The following ABCA13 variants were observed in gnomAD, a reference collection of about 807,000 sequenced individuals.
ABCA13 encodes the protein ATP binding cassette subfamily A member 13, also known as ATP-binding cassette sub-family A member 13.
In ABCA13, 476 loss-of-function variants were observed where a neutral mutation model predicts 478.7. That is an observed-to-expected ratio of 0.99 (90% CI 0.92 to 1.07). ABCA13 has a LOEUF of 1.07. Among genes scored for constraint, ABCA13 ranks in the 50% least tolerant of loss-of-function variants. The pLI is 0.00. For missense variants in ABCA13, 6,060 were observed against 5,910.6 expected, an observed-to-expected ratio of 1.03 and a Z score of -0.83; for synonymous variants, 2,252 against 2,158.9, an observed-to-expected ratio of 1.04 and a Z score of -1.20.
intron 55 of ABCA13, among the ~76,000 whole-genome samples, chr7:48,533,013 T>C (rs1833341992): frequency 6.6e-6 from 1 of 152,118 alleles, no homozygotes; most frequent in Non-Finnish European, 1.5e-5. Flanking sequence ...CATTCTGCTC[T>C]GATCTTCATT....
chr7:48,374,311 C>T (rs776888966), intron 33 of ABCA13, 36 bp from the exon 34 acceptor site: 2 of 1,579,608 alleles, frequency 1.3e-6, no homozygotes, highest in South Asian at 2.4e-5. Flanking sequence ...AATCAAAACA[C>T]TAACGTGCAG....
intron 36 of ABCA13, 121 bp downstream of exon 36, chr7:48,388,080 A>G: frequency 2.8e-6 from 3 of 1,060,440 alleles, no homozygotes; most frequent in Non-Finnish European, 3.9e-6. Context: ...AGAGACTTAC[A>G]TTTAGGCTGT....
chr7:48,634,537 A>AT (rs532752898), intron 59 of ABCA13, among the ~76,000 whole-genome samples: 6 of 151,390 alleles, frequency 4.0e-5, no homozygotes, highest in Non-Finnish European at 7.4e-5. Flanking sequence ...ACATTTGTTG[A>AT]TTTTTTTTCA....
chr7:48,200,045 T>C (rs1363604471), intron 3 of ABCA13, among the ~76,000 whole-genome samples: 1 of 152,208 alleles, frequency 6.6e-6, no homozygotes, highest in Non-Finnish European at 1.5e-5. Flanking sequence ...CAAATTCTTA[T>C]TACTACGGCT....
chr7:48,226,687 T>A (rs1788255585), intron 5 of ABCA13, among the ~76,000 whole-genome samples: 1 of 152,124 alleles, frequency 6.6e-6, no homozygotes, highest in Non-Finnish European at 1.5e-5. Context: ...GCATGCGGGC[T>A]CAGTGAGGCA....
At position 48,245,889 on chromosome 7, in the gene ABCA13, G is replaced by T. The variant is rs745362989; in HGVS notation, c.1518G>T (p.Pro506=). The change falls in exon 13 of 62, where the codon CCG becomes CCT. Residue 506 remains proline (P), a synonymous_variant. Coordinates refer to ENST00000435803, the MANE Select transcript of ABCA13 (RefSeq NM_152701.5). ...KQMLAKNAVC[P]NGRFSEKEVF... ...TGTTGGCGAAGAATGCTGTCTGCCC[G>T]AATGGTCGTTTCTCTGAGAAGGAGG... 1 of 1,613,166 alleles carries T rather than the reference G, an allele frequency of 6.2e-7. No individual in the cohort carries two copies. The highest frequency in any genetic ancestry group is 8.5e-7 in the Non-Finnish European group (1 of 1,179,582).
At chr7:48,441,289 C>T (rs1056576271) in intron 42 of ABCA13, among the ~76,000 whole-genome samples, 2 of 152,154 alleles carry the variant, frequency 1.3e-5, no homozygotes, top group African/African-American at 4.8e-5. Context: ...GTGATCTACA[C>T]TAGAGAAATT....
At chr7:48,301,638 T>G (rs1461041699) in intron 23 of ABCA13, among the ~76,000 whole-genome samples, 1 of 152,134 alleles carries the variant, frequency 6.6e-6, no homozygotes, top group Non-Finnish European at 1.5e-5. Flanking sequence ...ATCTGTCATG[T>G]GCAGAGTCTC....
intron 44 of ABCA13, 62 bp from the exon 45 acceptor site, chr7:48,471,468 A>G: frequency 1.4e-6 from 2 of 1,429,458 alleles, no homozygotes; most frequent in Non-Finnish European, 1.9e-6. Flanking sequence ...ACTCTCTTTT[A>G]TGGAAATACA....
At chr7:48,336,385 G>A (rs182109002) in intron 28 of ABCA13, among the ~76,000 whole-genome samples, 1 of 152,230 alleles carries the variant, frequency 6.6e-6, no homozygotes, top group Non-Finnish European at 1.5e-5. Context: ...GGAGATAGCT[G>A]CTGAGGAAAG....
chr7:48,605,618 G>A (rs143668793), intron 58 of ABCA13, among the ~76,000 whole-genome samples: 2,848 of 152,202 alleles, frequency 0.019, 35 homozygotes, highest in Middle Eastern at 0.071. Flanking sequence ...TGGGTAACCC[G>A]ACTTTTCTCT....
chr7:48,301,837 C>G (rs1800198192), intron 23 of ABCA13, among the ~76,000 whole-genome samples: 1 of 151,842 alleles, frequency 6.6e-6, no homozygotes, highest in African/African-American at 2.4e-5. Context: ...GATTTGTTGT[C>G]CTACCAGAGT....
intron 55 of ABCA13, among the ~76,000 whole-genome samples, chr7:48,562,341 T>G (rs1315802635): frequency 6.6e-6 from 1 of 152,096 alleles, no homozygotes; most frequent in African/African-American, 2.4e-5. Flanking sequence ...ATTAGAAATG[T>G]CATTCCTTAA....
chr7:48,245,518 T>A lies in ABCA13; in HGVS notation c.1397T>A (p.Leu466His), dbSNP rs1482290345. ...CAATTTGTCTACTTTGCAGAAGTCC[T>A]CATTTGCCTGGAGACATCAGCTAAT... ...AQNLHFVQEVLICLETSANDF... is the reference protein window; with the variant it reads ...AQNLHFVQEVHICLETSANDF... The change falls in exon 12 of 62, where the codon CTC (leucine) becomes CAC (histidine). Residue 466 changes from leucine to histidine, a missense_variant. This residue lies in a region of ABCA13 where 4,423 missense variants were observed against 4,309.1 expected (regional missense o/e 1.03). Transcript: ENST00000435803. 6.2e-7 allele frequency: 1 copy of A among 1,609,550 alleles called. No homozygotes were observed. Among genetic ancestry groups the A allele is most frequent in the Non-Finnish European group, 8.5e-7 (1 of 1,178,578 alleles).
chr7:48,298,345 C>A (rs1353137636), intron 22 of ABCA13, 21 bp from the exon 23 acceptor site: 1 of 1,589,862 alleles, frequency 6.3e-7, no homozygotes, highest in Admixed American at 1.8e-5. Flanking sequence ...ACACAAATTT[C>A]TTATTTTCCT....
chr7:48,345,206 A>G (rs1807879668), intron 29 of ABCA13, among the ~76,000 whole-genome samples: 1 of 152,240 alleles, frequency 6.6e-6, no homozygotes. Context: ...AGCACACACA[A>G]TTATGTACAG....
intron 29 of ABCA13, among the ~76,000 whole-genome samples, chr7:48,345,095 C>T (rs115709827): frequency 0.011 from 1,667 of 152,274 alleles, 39 homozygotes; most frequent in African/African-American, 0.038. Context: ...TGCCTAGTGA[C>T]TTTGTAGCTG....
intron 42 of ABCA13, among the ~76,000 whole-genome samples, chr7:48,448,496 T>A (rs1376995390): frequency 1.3e-5 from 2 of 152,216 alleles, no homozygotes; most frequent in African/African-American, 4.8e-5. Flanking sequence ...TATGACCTTA[T>A]TCACAAGTGA....
chr7:48,576,311 A>G (rs1446936594), intron 55 of ABCA13, among the ~76,000 whole-genome samples: 3 of 152,292 alleles, frequency 2.0e-5, no homozygotes, highest in Middle Eastern at 3.4e-3. Context: ...CACATCCGCT[A>G]TAATCAAAAA....
Sources: allele counts gnomAD v4.1 joint callset (sites outside exome capture counted in the v4.1 genomes callset), GRCh38; gene constraint gnomAD v4.1.1; regional missense constraint gnomAD v4.1.1; transcripts MANE v1.5; gene names NCBI Gene and HGNC (gene_info 2026-07-23, HGNC 2026-07-21).